The following RSPH10B2 variants were observed in gnomAD, a reference collection of about 807,000 sequenced individuals.
The protein encoded by RSPH10B2 is radial spoke head 10 homolog B2 (Chlamydomonas).
Under a neutral mutation model 49.0 loss-of-function variants are expected in RSPH10B2, and 9 were observed. The ratio of observed to expected loss-of-function variants is 0.18; its 90% CI spans 0.11 to 0.32. The LOEUF is 0.32. Ranked by LOEUF, RSPH10B2 falls within the 10% of genes least tolerant of loss-of-function variation. RSPH10B2 has a pLI of 1.00. For synonymous variants in RSPH10B2, 35 were observed against 210.2 expected (o/e 0.17, Z 7.21); for missense variants, 95 against 589.9 (o/e 0.16, Z 8.69).
At chr7:6,758,205 C>T (rs1174816053) in intron 1 of RSPH10B2, among the ~76,000 whole-genome samples, 1 of 150,134 alleles carries the variant, frequency 6.7e-6, no homozygotes, top group African/African-American at 2.5e-5. Context: ...GTCTCGAACT[C>T]CTGACCTCAG....
chr7:6,764,225 G>GC (rs1781364137), intron 4 of RSPH10B2, 124 bp downstream of exon 6: 1 of 227,454 alleles, frequency 4.4e-6, no homozygotes, highest in Non-Finnish European at 8.8e-6. Flanking sequence ...GGGTGGGGTG[G>GC]CCATGTGGAG....
intron 11 of RSPH10B2, among the ~76,000 whole-genome samples, chr7:6,780,100 G>A (rs1443818514): frequency 8.9e-6 from 1 of 112,918 alleles, no homozygotes; most frequent in African/African-American, 3.2e-5. Context: ...TGGGATTACA[G>A]GCGTGAGCCA....
intron 18 of RSPH10B2, among the ~76,000 whole-genome samples, chr7:6,797,872 C>CACACACACAAATAT (rs1554257904): frequency 2.1e-5 from 2 of 96,002 alleles, no homozygotes; most frequent in Non-Finnish European, 4.0e-5. Context: ...AAAATACACA[C>CACACACACAAATAT]ACACACACAC....
rs1221555803 is a variant in RSPH10B2, at chr7:6,776,940, C to T, written c.1414+394C>T. ...ACACACACACACAAAAGGCAGGGGT[C>T]CCCAACCCCCAGGCCAGGGAGCAGT... On this transcript the variant is annotated intron_variant, in intron 10 of 18. Coordinates refer to ENST00000297186, the Ensembl canonical transcript of RSPH10B2. Among the ~76,000 whole-genome samples the T allele has an allele frequency of 3.8e-5, 5 of 132,786 alleles. No individual in the cohort carries two copies. The East Asian group carries it at 1.6e-3, about 43-fold the overall frequency. The allele number at this position is 132,786 out of a possible 152,430, so 87.1% of individuals were successfully genotyped here.
chr7:6,776,883 A>T (rs868164349), intron 10 of RSPH10B2, among the ~76,000 whole-genome samples: 24,741 of 118,998 alleles, frequency 0.21, 1,702 homozygotes, highest in South Asian at 0.34. Flanking sequence ...TCACACACAC[A>T]CACACACACA....
chr7:6,782,563 T>C (rs932963344), intron 13 of RSPH10B2, among the ~76,000 whole-genome samples: 5 of 121,562 alleles, frequency 4.1e-5, no homozygotes, highest in Non-Finnish European at 5.1e-5. Context: ...CCTTAGTCTT[T>C]TTGATGGACT....
chr7:6,763,728 C>T lies in RSPH10B2; in HGVS notation c.400-200C>T, dbSNP rs1306209912. 5.5e-5 allele frequency among the ~76,000 whole-genome samples: 8 copies of T among 145,868 alleles called. 1 individual carries two copies. Among genetic ancestry groups the T allele is most frequent in the East Asian group, 2.1e-4 (1 of 4,834 alleles). On this transcript the variant is annotated intron_variant, in intron 3 of 18. Coordinates refer to ENST00000297186, the Ensembl canonical transcript of RSPH10B2. ...CCTGCCTGAGCTTCCGCCCACTGGT[C>T]GGGTCAGATGAGAGAGGATGCGATG...
At chr7:6,783,109 C>T (rs1173384470) in intron 13 of RSPH10B2, among the ~76,000 whole-genome samples, 1 of 111,110 alleles carries the variant, frequency 9.0e-6, no homozygotes, top group Non-Finnish European at 1.8e-5. Context: ...CGGCTCACTG[C>T]AACCTCCGCC....
In RSPH10B2 at chr7:6,780,637, G is replaced by C. The variant is rs1241256825; in HGVS notation, c.1530-172G>C. On this transcript the variant is annotated intron_variant, in intron 11 of 18. Coordinates refer to ENST00000297186, the Ensembl canonical transcript of RSPH10B2. ...TGACCTCGAGTGATCCGCCCACCTTGGCCTCCCAAAATGCTGGGATTATAG... is the reference window on the plus strand; with the variant it reads ...TGACCTCGAGTGATCCGCCCACCTTCGCCTCCCAAAATGCTGGGATTATAG... Among the ~76,000 whole-genome samples the C allele has an allele frequency of 2.6e-5, 3 of 117,304 alleles. 1 individual carries two copies. The highest frequency in any genetic ancestry group is 5.3e-5 in the Non-Finnish European group (3 of 56,586). The allele number at this position is 117,304 out of a possible 152,430, so 77.0% of individuals were successfully genotyped here.
At chr7:6,765,137 G>A (rs1781421189) in intron 4 of RSPH10B2, among the ~76,000 whole-genome samples, 1 of 5,850 alleles carries the variant, frequency 1.7e-4, no homozygotes, top group Admixed American at 1.4e-3. Context: ...ACTCGAATAT[G>A]ATGAATACAG....
intron 13 of RSPH10B2, among the ~76,000 whole-genome samples, chr7:6,783,176 G>A (rs1299039283): frequency 1.3e-4 from 15 of 111,448 alleles, no homozygotes; most frequent in Admixed American, 1.2e-3. Context: ...GACTAAAGGC[G>A]TGCATGACCA....
intron 10 of RSPH10B2, among the ~76,000 whole-genome samples, chr7:6,776,873 T>TCACA (rs746541740): frequency 0.043 from 4,712 of 110,814 alleles, 78 homozygotes; most frequent in African/African-American, 0.065. Context: ...CGAGACTCCA[T>TCACA]CACACACACA....
chr7:6,756,051 G>C (rs1201925576), upstream of RSPH10B2, among the ~76,000 whole-genome samples: 1 of 150,594 alleles, frequency 6.6e-6, no homozygotes, highest in African/African-American at 2.5e-5. Flanking sequence ...GGCAGATCAC[G>C]AGGTCAGGAG....
intron 6 of RSPH10B2, among the ~76,000 whole-genome samples, chr7:6,767,194 C>T (rs1318992604): frequency 1.6e-4 from 3 of 19,340 alleles, no homozygotes; most frequent in Non-Finnish European, 2.5e-4. Flanking sequence ...AGGTTGGTTT[C>T]GAACTCCGGA....
intron 4 of RSPH10B2, among the ~76,000 whole-genome samples, chr7:6,764,711 TGTGTGTGTGTGTGTGTGTG>T (rs1562402854): frequency 7.4e-5 from 1 of 13,494 alleles, no homozygotes; most frequent in African/African-American, 2.1e-4. Context: ...GTTGTTGTTG[TGTGTGTGTGTGTGTGTGTG>T]TGTGTGTGTT....
At chr7:6,770,859 C>A (rs571649169) in intron 7 of RSPH10B2, among the ~76,000 whole-genome samples, 1 of 150,228 alleles carries the variant, frequency 6.7e-6, no homozygotes, top group East Asian at 2.0e-4. Context: ...GAGCCGAGAT[C>A]GTGCCACTGC....
rs1251922696 is a variant in RSPH10B2 at position 6,783,838 on chromosome 7, AATT to A, written c.1759-2095_1759-2093del. 2.2e-3 allele frequency among the ~76,000 whole-genome samples: 285 copies of A among 130,954 alleles called. 1 individual carries two copies. The highest frequency in any genetic ancestry group is 4.8e-3 in the South Asian group (19 of 3,952). The allele number at this position is 130,954 out of a possible 152,430, so 85.9% of individuals were successfully genotyped here. ...CCCATTGAATAATAATAATAATAAT[AATT>A]ATTATTATTATTATTTTGACAGTCT... On this transcript the variant is annotated intron_variant, in intron 13 of 18. Coordinates refer to ENST00000297186, the Ensembl canonical transcript of RSPH10B2.
In RSPH10B2 at chr7:6,781,421, C is replaced by T. The variant is rs1463355845; in HGVS notation, c.1703C>T (p.Ala568Val). ...TATCTCGCTTACTGCAGACCCAGTG[C>T]AGCGCCTCCCCACGAGCCTACGATG... Residue 568 changes from alanine to valine, a missense_variant, in exon 13 of 19, where the codon GCA (alanine) becomes GTA (valine). Physicochemically the swap from Ala to Val is moderately conservative, Grantham distance 64. Coordinates refer to ENST00000297186, the Ensembl canonical transcript of RSPH10B2. 8 of 1,296,090 alleles carry T rather than the reference C, an allele frequency of 6.2e-6. 1 individual carries two copies. The highest frequency in any genetic ancestry group is 1.9e-5 in the South Asian group (1 of 52,076). 80.3% of individuals were successfully genotyped at this position (1,296,090 alleles called of 1,614,324 possible).
intron 16 of RSPH10B2, among the ~76,000 whole-genome samples, chr7:6,791,415 T>A (rs1782322900): frequency 6.7e-6 from 1 of 149,758 alleles, no homozygotes; most frequent in African/African-American, 2.5e-5. Flanking sequence ...CTGTTATTCA[T>A]TTCATTAATA....
Sources: allele counts gnomAD v4.1 joint callset (sites outside exome capture counted in the v4.1 genomes callset), GRCh38; gene constraint gnomAD v4.1.1; transcripts MANE v1.5; gene names NCBI Gene and HGNC (gene_info 2026-07-23, HGNC 2026-07-21).